Variants in ZMAT1 observed in about 807,000 individuals in gnomAD.
ZMAT1 encodes the protein zinc finger matrin-type protein 1.
In ZMAT1, 11 loss-of-function variants were observed where a neutral mutation model predicts 18.5. The ratio of observed to expected loss-of-function variants is 0.59; its 90% CI spans 0.37 to 0.98. The LOEUF is 0.98. Among genes scored for constraint, ZMAT1 ranks in the 50% least tolerant of loss-of-function variants. ZMAT1 has a pLI of 0.01. For synonymous variants in ZMAT1, 211 were observed against 176.4 expected (o/e 1.20, Z -1.55); for missense variants, 525 against 496.2 (o/e 1.06, Z -0.55).
At chrX:101,921,042 T>C (rs1028510891) in intron 1 of ZMAT1, among the ~76,000 whole-genome samples, 16 of 111,220 alleles carry the variant, frequency 1.4e-4, no homozygotes, top group Non-Finnish European at 2.6e-4. Context: ...AAAAAGGATA[T>C]ATAAATGTAC....
At chrX:101,923,154 T>A (rs1366636011) in intron 1 of ZMAT1, among the ~76,000 whole-genome samples, 1 of 112,253 alleles carries the variant, frequency 8.9e-6, no homozygotes, top group Admixed American at 9.5e-5. Context: ...TCTCACCATG[T>A]CTTTTCTCTT....
intron 4 of ZMAT1, among the ~76,000 whole-genome samples, chrX:101,892,455 T>C (rs5944779): frequency 0.023 from 2,535 of 111,394 alleles, 35 homozygotes; most frequent in Non-Finnish European, 0.035. Context: ...TAAGATTTGC[T>C]AATGGATAGG....
At chrX:101,925,033 T>G (rs1274480889) in intron 1 of ZMAT1, among the ~76,000 whole-genome samples, 1 of 111,716 alleles carries the variant, frequency 9.0e-6, no homozygotes, top group Non-Finnish European at 1.9e-5. Flanking sequence ...AAACATAAAA[T>G]AAAATATTGA....
intron 1 of ZMAT1, among the ~76,000 whole-genome samples, chrX:101,923,941 G>A (rs1929890979): frequency 9.0e-6 from 1 of 111,251 alleles, no homozygotes; most frequent in South Asian, 3.8e-4. Context: ...AGTCTCATCT[G>A]GAAAAAATAC....
intron 5 of ZMAT1, 141 bp downstream of exon 5, chrX:101,886,491 T>A (rs1025872011): frequency 4.5e-6 from 2 of 441,496 alleles, no homozygotes; most frequent in African/African-American, 2.5e-5. Flanking sequence ...GTATGCAATA[T>A]GTTACAAATA....
chrX:101,929,456 T>TATATATATATATATATAC (rs1161232053), intron 1 of ZMAT1, among the ~76,000 whole-genome samples: 1 of 85,493 alleles, frequency 1.2e-5, no homozygotes, highest in African/African-American at 4.2e-5. Context: ...TATATATATA[T>TATATATATATATATATAC]ACACACAGAG....
chrX:101,896,544 A>G (rs1927821065), intron 4 of ZMAT1, among the ~76,000 whole-genome samples: 1 of 112,526 alleles, frequency 8.9e-6, no homozygotes, highest in South Asian at 3.6e-4. Flanking sequence ...TTAAGAAAAT[A>G]AAAGTTTTAA....
At position 101,911,800 on chromosome X, in the gene ZMAT1, C is replaced by T. The variant is rs1928987225; in HGVS notation, c.293-7470G>A. On this transcript the variant is annotated intron_variant, in intron 1 of 5. Transcript: ENST00000651725. The stretch of plus-strand genomic sequence containing the variant: ...GCCAGAGCTCCCGTCTCATCGAACA[C>T]CAGAGGATTCACACCAAGGAAAAGC... 5 of 1,207,426 alleles carry T rather than the reference C, an allele frequency of 4.1e-6. No individual in the cohort carries two copies. In the Admixed American group the frequency reaches 1.1e-4, roughly 26 times the overall value.
At chrX:101,921,696 T>C (rs1439370604) in intron 1 of ZMAT1, among the ~76,000 whole-genome samples, 1 of 111,944 alleles carries the variant, frequency 8.9e-6, no homozygotes, top group Non-Finnish European at 1.9e-5. Flanking sequence ...ATATTTTAGA[T>C]GGGAATATAT....
Position 101,914,779 on chromosome X carries a change from A to G in ZMAT1, c.293-10449T>C, listed in dbSNP as rs141073873. Among the ~76,000 whole-genome samples the G allele has an allele frequency of 4.1e-3, 452 of 111,460 alleles. 2 individuals carry two copies. The highest frequency in any genetic ancestry group is 6.9e-3 in the Non-Finnish European group (366 of 52,995). ...GTAAACATTTAAAGAACTACGACCA[A>G]TCCTACTAAAACTATTCTGAAAAAC... On this transcript the variant is annotated intron_variant, in intron 1 of 5. Coordinates refer to ENST00000651725, the MANE Select transcript of ZMAT1 (RefSeq NM_001394560.1).
At chrX:101,923,534 C>T (rs1163224388) in intron 1 of ZMAT1, among the ~76,000 whole-genome samples, 1 of 111,624 alleles carries the variant, frequency 9.0e-6, no homozygotes, top group African/African-American at 3.3e-5. Flanking sequence ...TTAACACAAA[C>T]CTTTAAGGGC....
At chrX:101,921,209 A>G (rs1194938518) in intron 1 of ZMAT1, among the ~76,000 whole-genome samples, 1 of 111,485 alleles carries the variant, frequency 9.0e-6, no homozygotes, top group Non-Finnish European at 1.9e-5. Flanking sequence ...GCACAGCAGA[A>G]TCACCAATTA....
intron 1 of ZMAT1, among the ~76,000 whole-genome samples, chrX:101,905,924 T>C (rs1177026372): frequency 9.2e-6 from 1 of 108,116 alleles, no homozygotes; most frequent in African/African-American, 3.4e-5. Context: ...TAGGAGATTA[T>C]ATCAGCACCT....
chrX:101,898,013 G>T lies in ZMAT1; in HGVS notation c.531C>A (p.Asn177Lys). The T allele has an allele frequency of 1.7e-6, 2 of 1,211,213 alleles. No individual in the cohort carries two copies. The highest frequency in any genetic ancestry group is 2.2e-6 in the Non-Finnish European group (2 of 895,318). ...QVHRYEGVDK[N>K]KFCDLCNMMF... ...TCATGTTGCAGAGATCACAAAATTT[G>T]TTTTTGTCCACTCCTTCATACCTAT... Residue 177 changes from asparagine to lysine, a missense_variant, in exon 4 of 6, where the codon AAC becomes AAA. Transcript: ENST00000651725.
At chrX:101,892,390 G>C (rs1393114124) in intron 4 of ZMAT1, among the ~76,000 whole-genome samples, 1 of 111,274 alleles carries the variant, frequency 9.0e-6, no homozygotes, top group Admixed American at 9.5e-5. Flanking sequence ...GTGAGGTGAT[G>C]GTAGTAGAAA....
chrX:101,884,144 C>T lies in ZMAT1; in HGVS notation c.1454G>A (p.Arg485Lys). The T allele has an allele frequency of 8.3e-7, 1 of 1,210,475 alleles. No homozygotes were observed. The highest frequency in any genetic ancestry group is 1.1e-6 in the Non-Finnish European group (1 of 895,284). ...TCTGGGTCTGACATCAACCATTTCT[C>T]TGTTCCTGTGTGTTTCTACAGAGCT... ...GDSSVETHRN[R>K]EMVDVRPRHR... is the part of the protein sequence containing the mutation. Residue 485 changes from arginine (R) to lysine (K), a missense_variant, in exon 6 of 6, where the codon AGA becomes AAA. Coordinates refer to ENST00000651725, the MANE Select transcript of ZMAT1 (RefSeq NM_001394560.1).
At chrX:101,886,119 A>T (rs1038922277) in intron 5 of ZMAT1, among the ~76,000 whole-genome samples, 1 of 112,258 alleles carries the variant, frequency 8.9e-6, no homozygotes, top group African/African-American at 3.2e-5. Flanking sequence ...AACTCCTACT[A>T]TGTGCCAGGG....
At chrX:101,912,642 T>C (rs775233331) in intron 1 of ZMAT1, among the ~76,000 whole-genome samples, 2 of 112,142 alleles carry the variant, frequency 1.8e-5, no homozygotes, top group East Asian at 2.8e-4. Flanking sequence ...GGAATCACTA[T>C]GGATACTGAC....
chrX:101,929,419 G>T (rs372742085), intron 1 of ZMAT1, among the ~76,000 whole-genome samples: 36,346 of 85,192 alleles, frequency 0.43, 6,032 homozygotes, highest in African/African-American at 0.46. Flanking sequence ...TATATAGAGA[G>T]AGATTATATA....
Sources: allele counts gnomAD v4.1 joint callset (sites outside exome capture counted in the v4.1 genomes callset), GRCh38; gene constraint gnomAD v4.1.1; transcripts MANE v1.5; gene names NCBI Gene and HGNC (gene_info 2026-07-23, HGNC 2026-07-21).